Variants in ZNF333 observed in about 807,000 individuals in gnomAD.
ZNF333 encodes zinc finger protein 333.
A neutral mutation model predicts 76.1 loss-of-function variants in ZNF333; 61 were observed. The observed-to-expected ratio is 0.80, with a 90% CI of 0.65 to 0.99. The LOEUF (loss-of-function observed/expected upper bound fraction) is 0.99, where lower values mean the gene tolerates loss of function less well. Ranked by LOEUF, ZNF333 falls within the 50% of genes least tolerant of loss-of-function variation. ZNF333 has a pLI of 0.00. For synonymous variants in ZNF333, 284 were observed against 305.0 expected (o/e 0.93, Z 0.72); for missense variants, 717 against 822.4 (o/e 0.87, Z 1.57).
intron 5 of ZNF333, among the ~76,000 whole-genome samples, chr19:14,703,129 CA>C (rs1380479158): frequency 6.7e-6 from 1 of 148,628 alleles, no homozygotes; most frequent in Admixed American, 6.9e-5. Flanking sequence ...GCGTGAACCC[CA>C]GGGGGCGGAG....
intron 7 of ZNF333, among the ~76,000 whole-genome samples, chr19:14,710,977 G>GAGGGA (rs769606242): frequency 3.3e-5 from 5 of 151,726 alleles, no homozygotes; most frequent in African/African-American, 4.8e-5. Context: ...GGCAGTGGGG[G>GAGGGA]AGGGAAGGGA....
intron 7 of ZNF333, 56 bp from the exon 8 acceptor site, chr19:14,715,326 T>C: frequency 6.5e-7 from 1 of 1,540,444 alleles, no homozygotes; most frequent in Non-Finnish European, 8.9e-7. Flanking sequence ...TTGGGGCCTG[T>C]GAGTGTGCCC....
exon 12 of ZNF333, chr19:14,731,806 C>G (rs1179509008): frequency 6.6e-6 from 1 of 152,106 alleles, no homozygotes; most frequent in Admixed American, 6.6e-5. Flanking sequence ...TCAAACACAA[C>G]CCATGAGCAA....
chr19:14,722,733 C>A (rs1419999415), downstream of ZNF333, among the ~76,000 whole-genome samples: 1 of 152,124 alleles, frequency 6.6e-6, no homozygotes, highest in Non-Finnish European at 1.5e-5. Context: ...ATTGTTTCAG[C>A]TCTTGCATTT....
At chr19:14,698,609 G>T (rs1973403163) in intron 4 of ZNF333, among the ~76,000 whole-genome samples, 1 of 151,700 alleles carries the variant, frequency 6.6e-6, no homozygotes, top group African/African-American at 2.4e-5. Flanking sequence ...GGAGGCTGAG[G>T]TGGGTGGATC....
chr19:14,691,746 G>A (rs990601547), intron 1 of ZNF333, among the ~76,000 whole-genome samples: 1 of 141,664 alleles, frequency 7.1e-6, no homozygotes, highest in Admixed American at 7.5e-5. Flanking sequence ...GCACAATCTC[G>A]GCTCACTGCA....
At chr19:14,691,929 G>A (rs1972805730) in intron 1 of ZNF333, among the ~76,000 whole-genome samples, 2 of 152,094 alleles carry the variant, frequency 1.3e-5, no homozygotes, top group South Asian at 2.1e-4. Flanking sequence ...CACCCGCCTC[G>A]GCCTCCCAAA....
Position 14,719,228 on chromosome 19 carries a change from C to T in ZNF333, c.1901C>T (p.Thr634Ile), listed in dbSNP as rs2042533629. Residue 634 changes from threonine (T) to isoleucine (I), a missense_variant, in exon 12 of 12, where the codon ACT becomes ATT. Physicochemically the swap from Thr to Ile is moderately conservative, Grantham distance 89. Coordinates refer to ENST00000292530, the MANE Select transcript of ZNF333 (RefSeq NM_032433.4). ...EKAFRHSSSLTVHKRTHVGRE... is the reference protein window; with the variant it reads ...EKAFRHSSSLIVHKRTHVGRE... ...GCCTTCAGGCACAGCTCCTCACTCA[C>T]TGTACACAAAAGAACCCATGTGGGA... The T allele has an allele frequency of 1.9e-6, 3 of 1,614,246 alleles. No homozygotes were observed. Among genetic ancestry groups the T allele is most frequent in the African/African-American group, 2.7e-5 (2 of 75,074 alleles).
intron 7 of ZNF333, among the ~76,000 whole-genome samples, chr19:14,711,661 T>C (rs2042279138): frequency 6.6e-6 from 1 of 152,088 alleles, no homozygotes; most frequent in Admixed American, 6.6e-5. Context: ...AAAAAAATTA[T>C]AGTAATAATG....
chr19:14,704,646 A>G (rs1269460223), intron 5 of ZNF333, among the ~76,000 whole-genome samples: 1 of 152,224 alleles, frequency 6.6e-6, no homozygotes, highest in Non-Finnish European at 1.5e-5. Context: ...CAGCAAGTAA[A>G]GAGACCTTGT....
Position 14,718,397 on chromosome 19 carries a change from A to G in ZNF333, c.1070A>G (p.Glu357Gly). 1 of 1,614,214 alleles carries G rather than the reference A, an allele frequency of 6.2e-7. No individual in the cohort carries two copies. Among genetic ancestry groups the G allele is most frequent in the Non-Finnish European group, 8.5e-7 (1 of 1,180,040 alleles). ...FFQSAHLIVP[E>G]KIRSGDKSYA... The stretch of plus-strand genomic sequence containing the variant: ...CAGAGTGCCCACCTAATTGTGCCCG[A>G]GAAAATCCGTAGTGGGGATAAATCC... The change falls in exon 12 of 12, where the codon GAG (glutamate) becomes GGG (glycine). Residue 357 changes from glutamate to glycine, a missense_variant. Coordinates refer to ENST00000292530, the MANE Select transcript of ZNF333 (RefSeq NM_032433.4).
At position 14,718,571 on chromosome 19, in the gene ZNF333, C is replaced by G; in HGVS notation, c.1244C>G (p.Thr415Ser). Reference sequence around the variant, plus strand: ...TCGAATCTCCGGCGACACATGAGAACCCATACCGGAGAGAAGCCATTTGAA... The same window carrying G: ...TCGAATCTCCGGCGACACATGAGAAGCCATACCGGAGAGAAGCCATTTGAA... ...YSSNLRRHMR[T>S]HTGEKPFECS... Residue 415 changes from threonine (T) to serine (S), a missense_variant, in exon 12 of 12, where the codon ACC becomes AGC. By Grantham distance (58) the Thr-to-Ser change is moderately conservative. Transcript: ENST00000292530. 1 of 1,614,150 alleles carries G rather than the reference C, an allele frequency of 6.2e-7. No homozygotes were observed. Among genetic ancestry groups the G allele is most frequent in the Middle Eastern group, 1.6e-4 (1 of 6,062 alleles).
downstream of ZNF333, among the ~76,000 whole-genome samples, chr19:14,723,338 T>G (rs2042613058): frequency 6.6e-6 from 1 of 152,254 alleles, no homozygotes; most frequent in Non-Finnish European, 1.5e-5. Context: ...TTACAATAAA[T>G]TTTGAAATAA....
At chr19:14,694,508 G>A (rs11882495) in intron 2 of ZNF333, among the ~76,000 whole-genome samples, 37,261 of 151,876 alleles carry the variant, frequency 0.25, 4,850 homozygotes, top group Middle Eastern at 0.35. Flanking sequence ...ACTCTCAGAT[G>A]CAATGGAAGT....
At chr19:14,692,987 C>T (rs1331324277) in intron 1 of ZNF333, among the ~76,000 whole-genome samples, 1 of 151,744 alleles carries the variant, frequency 6.6e-6, no homozygotes, top group African/African-American at 2.4e-5. Context: ...CCACCATGCC[C>T]AGCTAATTTT....
At chr19:14,730,609 GTAA>G (rs2147050668) in intron 11 of ZNF333, among the ~76,000 whole-genome samples, 1 of 152,132 alleles carries the variant, frequency 6.6e-6, no homozygotes, top group South Asian at 2.1e-4. Flanking sequence ...AAAGCAGTTT[GTAA>G]TAACCCAAAC....
In ZNF333 at chr19:14,720,448, G is replaced by A. The variant is rs181176262; in HGVS notation, c.*1123G>A. On this transcript the variant is annotated 3_prime_UTR_variant, in exon 12 of 12. Transcript: ENST00000292530. ...GCCGCAAGCTAAGAAGAGGGTGGCC[G>A]GAAGTCATAACCATCTTGCTTCTGT... 1.1e-5 allele frequency: 11 copies of A among 985,394 alleles called. No homozygotes were observed. The South Asian group carries it at 1.9e-4, about 17-fold the overall frequency. The allele number at this position is 985,394 out of a possible 1,614,324, so 61.0% of individuals were successfully genotyped here.
downstream of ZNF333, among the ~76,000 whole-genome samples, chr19:14,722,788 T>C (rs2042605248): frequency 6.6e-6 from 1 of 152,132 alleles, no homozygotes; most frequent in South Asian, 2.1e-4. Context: ...GTTTGTTTGT[T>C]CGTTTTTGTG....
intron 5 of ZNF333, among the ~76,000 whole-genome samples, chr19:14,704,823 C>T (rs1317362766): frequency 3.3e-5 from 5 of 152,232 alleles, no homozygotes. Flanking sequence ...CAGAGCCAAA[C>T]CATATCAATG....
Sources: allele counts gnomAD v4.1 joint callset (sites outside exome capture counted in the v4.1 genomes callset), GRCh38; gene constraint gnomAD v4.1.1; transcripts MANE v1.5; gene names NCBI Gene and HGNC (gene_info 2026-07-23, HGNC 2026-07-21).